The following LOC114841035 variants were observed in gnomAD, a reference collection of about 807,000 sequenced individuals.
the LOC114841035 span, chr11:64,243,667 C>G: frequency 1.1e-4 from 127 of 1,160,846 alleles, 1 homozygote; most frequent in Non-Finnish European, 1.4e-4. Context: ...CATTGAAGCA[C>G]TCAGCTGTAG....
the LOC114841035 span, chr11:64,242,665 C>T: frequency 1.7e-6 from 2 of 1,210,798 alleles, no homozygotes; most frequent in Admixed American, 3.3e-5. Flanking sequence ...TTGGGCAAGT[C>T]CCCTCTCGCC....
the LOC114841035 span, chr11:64,242,601 C>T: frequency 2.0e-6 from 3 of 1,516,444 alleles, no homozygotes; most frequent in African/African-American, 2.9e-5. Flanking sequence ...GTGGGGCTTC[C>T]GAGGACCAGA....
chr11:64,243,404 CA>C, the LOC114841035 span: 1 of 1,612,208 alleles, frequency 6.2e-7, no homozygotes, highest in African/African-American at 1.3e-5. Context: ...GGATACAAGA[CA>C]AGGGCCCTGG....
chr11:64,242,526 C>T, the LOC114841035 span: 3 of 1,550,750 alleles, frequency 1.9e-6, no homozygotes, highest in South Asian at 1.2e-5. Flanking sequence ...CATCAAATCG[C>T]GCAAAGGGGA....
At chr11:64,242,165 CT>C in the LOC114841035 span, 1 of 481,004 alleles carries the variant, frequency 2.1e-6, no homozygotes, top group Non-Finnish European at 3.6e-6. Context: ...CCCTGACCCC[CT>C]CCCCCCGCTG....
the LOC114841035 span, chr11:64,243,410 C>T: frequency 1.6e-5 from 26 of 1,612,994 alleles, no homozygotes; most frequent in Non-Finnish European, 2.1e-5. Context: ...AAGACAAGGG[C>T]CCTGGGTGCT....
chr11:64,243,165 C>T, the LOC114841035 span: 5 of 1,599,728 alleles, frequency 3.1e-6, no homozygotes, highest in Non-Finnish European at 4.3e-6. Context: ...GGGGTGGTCC[C>T]CTCTTCCTCA....
At chr11:64,242,449 C>G in the LOC114841035 span, 7 of 1,548,764 alleles carry the variant, frequency 4.5e-6, no homozygotes, top group Non-Finnish European at 5.2e-6. Flanking sequence ...GCCGTGGCCA[C>G]GGCCACGGGG....
At chr11:64,243,812 C>G in the LOC114841035 span, 2 of 1,613,824 alleles carry the variant, frequency 1.2e-6, no homozygotes, top group Non-Finnish European at 1.7e-6. Flanking sequence ...TTGGCCATCA[C>G]TGACTGTTTC....
chr11:64,243,672 C>A, the LOC114841035 span: 1 of 1,149,996 alleles, frequency 8.7e-7, no homozygotes, highest in Non-Finnish European at 1.3e-6. Flanking sequence ...AAGCACTCAG[C>A]TGTAGTGGCC....
the LOC114841035 span, chr11:64,243,472 C>G: frequency 1.2e-6 from 2 of 1,613,990 alleles, no homozygotes; most frequent in Non-Finnish European, 1.7e-6. Flanking sequence ...GGGAAAAGCG[C>G]AAGCTGGTGA....
chr11:64,243,394 G>C, the LOC114841035 span: 175 of 1,611,204 alleles, frequency 1.1e-4, 1 homozygote, highest in South Asian at 1.9e-3. Flanking sequence ...CAAGCCCCAG[G>C]GATACAAGAC....
At chr11:64,243,959 C>T in the LOC114841035 span, 2 of 1,614,008 alleles carry the variant, frequency 1.2e-6, no homozygotes, top group African/African-American at 1.3e-5. Context: ...CTCCCCTTCT[C>T]CCCTACAGGT....
chr11:64,243,252 C>T, the LOC114841035 span: 2 of 1,613,272 alleles, frequency 1.2e-6, no homozygotes, highest in South Asian at 1.1e-5. Flanking sequence ...AGAACCAGCC[C>T]TTTGTCTTCT....
chr11:64,243,365 G>C, the LOC114841035 span: 1 of 1,603,886 alleles, frequency 6.2e-7, no homozygotes, highest in Non-Finnish European at 8.5e-7. Context: ...CCACCGCCCA[G>C]GAGGTAAGCT....
chr11:64,243,638 A>G, the LOC114841035 span: 1 of 1,233,522 alleles, frequency 8.1e-7, no homozygotes, highest in Non-Finnish European at 1.2e-6. Context: ...TGTGTCTAGC[A>G]GTGAGTACAG....
At chr11:64,243,648 G>A in the LOC114841035 span, 2 of 1,194,622 alleles carry the variant, frequency 1.7e-6, no homozygotes, top group Non-Finnish European at 2.4e-6. Flanking sequence ...AGTGAGTACA[G>A]GGCAAGATCA....
At chr11:64,243,822 C>A in the LOC114841035 span, 1 of 1,613,998 alleles carries the variant, frequency 6.2e-7, no homozygotes. Context: ...CTGACTGTTT[C>A]TTTGTGCATC....
At chr11:64,243,126 G>A in the LOC114841035 span, 1 of 1,396,278 alleles carries the variant, frequency 7.2e-7, no homozygotes, top group South Asian at 1.2e-5. Flanking sequence ...GCAGCTTGAT[G>A]GGGAAAGCAG....
Sources: allele counts gnomAD v4.1 joint callset, GRCh38; gene constraint gnomAD v4.1.1; transcripts MANE v1.5.